Variants in EIF2AK4 observed in about 807,000 individuals in gnomAD.
The protein encoded by EIF2AK4 is eukaryotic translation initiation factor 2 alpha kinase 4.
In EIF2AK4, 139 loss-of-function variants were observed where a neutral mutation model predicts 211.1. That is an observed-to-expected ratio of 0.66 (90% CI 0.57 to 0.76). The LOEUF is 0.76. Among genes scored for constraint, EIF2AK4 ranks in the 30% least tolerant of loss-of-function variants. The pLI is 0.00. For missense variants in EIF2AK4, 1,664 were observed against 2,043.8 expected, an observed-to-expected ratio of 0.81 and a Z score of 3.58; for synonymous variants, 710 against 751.3, an observed-to-expected ratio of 0.94 and a Z score of 0.90.
Position 40,035,188 on chromosome 15 carries a change from G to GT in EIF2AK4, c.*104_*105insT, listed in dbSNP as rs1302796138. On this transcript the variant is annotated 3_prime_UTR_variant, in exon 39 of 39. Transcript: ENST00000263791. Reference sequence around the variant, plus strand: ...AATTTAAAATTAAATTCTAAGAAGAGGCTGGGTGCAGTGGCTCACACCTTT... The same window carrying GT: ...AATTTAAAATTAAATTCTAAGAAGAGTGCTGGGTGCAGTGGCTCACACCTTT... 2 of 977,798 alleles carry GT rather than the reference G, an allele frequency of 2.0e-6. No individual in the cohort carries two copies. The highest frequency in any genetic ancestry group is 2.8e-6 in the Non-Finnish European group (2 of 701,848). 60.6% of individuals were successfully genotyped at this position (977,798 alleles called of 1,614,324 possible). A position where few individuals can be genotyped will look rare whatever the true frequency, so the allele number is the denominator to read the frequency against.
At chr15:39,989,651 C>G (rs1418651329) in intron 15 of EIF2AK4, among the ~76,000 whole-genome samples, 1 of 152,128 alleles carries the variant, frequency 6.6e-6, no homozygotes, top group Non-Finnish European at 1.5e-5. Flanking sequence ...TAGAGGGACC[C>G]AGAATTTACC....
chr15:40,008,916 G>A (rs1014278254), intron 25 of EIF2AK4, among the ~76,000 whole-genome samples: 1 of 152,154 alleles, frequency 6.6e-6, no homozygotes. Flanking sequence ...ACCACTCGGT[G>A]AATACTCATT....
chr15:40,005,578 A>AT lies in EIF2AK4; in HGVS notation c.3358-1427dup, dbSNP rs543293981. ...GTGTCTGCATGTACTTTTTTGTTTT[A>AT]TTTTTTTTTTTGAGATGGAGTCTCA... On this transcript the variant is annotated intron_variant, in intron 23 of 38. Transcript: ENST00000263791. 2.4e-3 allele frequency among the ~76,000 whole-genome samples: 350 copies of AT among 145,532 alleles called. 3 individuals carry two copies. Among genetic ancestry groups the AT allele is most frequent in the Middle Eastern group, 0.021 (6 of 284 alleles).
rs4144472 is a variant in EIF2AK4 at position 39,990,424 on chromosome 15, T to C, written c.2631+47T>C. On this transcript the variant is annotated intron_variant, in intron 16 of 38. Transcript: ENST00000263791. Reference sequence around the variant, plus strand: ...CTGTACCTAAAAACAGACTCAGATGTCTTGATAATCCTGGAAGTGTTAGCG... The same window carrying C: ...CTGTACCTAAAAACAGACTCAGATGCCTTGATAATCCTGGAAGTGTTAGCG... 1,439,288 of 1,451,680 alleles carry C rather than the reference T, an allele frequency of 0.99. 714,215 individuals carry two copies. The highest frequency in any genetic ancestry group is 1 in the East Asian group (44,162 of 44,164). 89.9% of individuals were successfully genotyped at this position (1,451,680 alleles called of 1,614,324 possible).
At chr15:39,974,399 C>A (rs1000292522) in intron 11 of EIF2AK4, 1 of 152,160 alleles carries the variant, frequency 6.6e-6, no homozygotes, top group African/African-American at 2.4e-5. Context: ...CAGTACATGT[C>A]ATCTTTCACA....
chr15:40,013,634 G>A (rs948075169), intron 27 of EIF2AK4, among the ~76,000 whole-genome samples: 2 of 152,282 alleles, frequency 1.3e-5, no homozygotes, highest in African/African-American at 2.4e-5. Context: ...ATCAGATCTC[G>A]TGAGACTTAT....
intron 23 of EIF2AK4, among the ~76,000 whole-genome samples, chr15:40,003,589 G>A (rs879349813): frequency 1.3e-5 from 2 of 152,184 alleles, no homozygotes; most frequent in Non-Finnish European, 2.9e-5. Context: ...CCAGTGTTGA[G>A]TGACCACAGC....
At chr15:39,957,778 A>G (rs1566985420) in intron 6 of EIF2AK4, among the ~76,000 whole-genome samples, 1 of 152,196 alleles carries the variant, frequency 6.6e-6, no homozygotes, top group Admixed American at 6.5e-5. Flanking sequence ...AAAGTGGGAC[A>G]CTGTGTTTCT....
At chr15:40,024,898 T>G (rs1289260104) in intron 32 of EIF2AK4, among the ~76,000 whole-genome samples, 1 of 152,086 alleles carries the variant, frequency 6.6e-6, no homozygotes, top group Non-Finnish European at 1.5e-5. Context: ...GGCTAATTTT[T>G]GTATTTTTAG....
At chr15:39,994,739 G>A (rs758744793) in intron 18 of EIF2AK4, among the ~76,000 whole-genome samples, 1 of 152,172 alleles carries the variant, frequency 6.6e-6, no homozygotes, top group Admixed American at 6.5e-5. Context: ...ACAACATAAA[G>A]TTGAAACAGA....
chr15:39,943,545 T>C (rs537007846), intron 3 of EIF2AK4, 60 bp downstream of exon 3: 123 of 1,333,010 alleles, frequency 9.2e-5, no homozygotes, highest in Non-Finnish European at 1.1e-5. Flanking sequence ...ACACCTCAAA[T>C]CCAATTTTGA....
chr15:40,004,722 A>T (rs1037759721), intron 23 of EIF2AK4, among the ~76,000 whole-genome samples: 3 of 152,104 alleles, frequency 2.0e-5, no homozygotes, highest in East Asian at 1.9e-4. Flanking sequence ...AAGAAAATTT[A>T]AAAATTTTTT....
At chr15:39,938,331 G>A (rs1223348871) in intron 1 of EIF2AK4, among the ~76,000 whole-genome samples, 5 of 152,106 alleles carry the variant, frequency 3.3e-5, no homozygotes, top group Admixed American at 6.5e-5. Flanking sequence ...GACCACATTC[G>A]CAGAATTATG....
At chr15:40,032,876 A>G in intron 37 of EIF2AK4, 75 bp downstream of exon 37, 1 of 1,285,876 alleles carries the variant, frequency 7.8e-7, no homozygotes, top group Admixed American at 2.1e-5. Context: ...CAAAATACTG[A>G]AGACGGCATT....
rs1443552276 is a variant in EIF2AK4, at chr15:40,032,816, C to A, written c.4773+15C>A. The A allele has an allele frequency of 1.2e-6, 2 of 1,605,690 alleles. No individual in the cohort carries two copies. Among genetic ancestry groups the A allele is most frequent in the Non-Finnish European group, 1.7e-6 (2 of 1,176,422 alleles). ...TATCATTAGAGGTAAGCAATATGAACTCTTCTGCACTGTGGCCTTTAAGAT... is the reference window on the plus strand; with the variant it reads ...TATCATTAGAGGTAAGCAATATGAAATCTTCTGCACTGTGGCCTTTAAGAT... On this transcript the variant is annotated intron_variant, in intron 37 of 38. Transcript: ENST00000263791.
At chr15:40,027,638 C>T (rs2035481584) in intron 33 of EIF2AK4, among the ~76,000 whole-genome samples, 1 of 152,064 alleles carries the variant, frequency 6.6e-6, no homozygotes. Flanking sequence ...CGCCTGTAAT[C>T]CCAGCACTTT....
chr15:39,989,702 A>G (rs376877185), intron 15 of EIF2AK4, among the ~76,000 whole-genome samples: 50 of 152,358 alleles, frequency 3.3e-4, no homozygotes, highest in African/African-American at 1.2e-3. Context: ...TCTCTATTAT[A>G]ATGCATGAAA....
chr15:39,969,563 T>C (rs2034595369), intron 9 of EIF2AK4, among the ~76,000 whole-genome samples: 2 of 152,148 alleles, frequency 1.3e-5, no homozygotes, highest in Non-Finnish European at 2.9e-5. Flanking sequence ...GGTTTCACCA[T>C]GTTAGCCAGG....
Position 39,990,319 on chromosome 15 carries a change from C to G in EIF2AK4, c.2573C>G (p.Ser858Cys). 6.2e-7 allele frequency: 1 copy of G among 1,614,144 alleles called. No individual in the cohort carries two copies. The highest frequency in any genetic ancestry group is 1.1e-5 in the South Asian group (1 of 91,082). The change falls in exon 16 of 39, where the codon TCT (serine) becomes TGT (cysteine). Residue 858 changes from serine to cysteine, a missense_variant. Coordinates refer to ENST00000263791, the MANE Select transcript of EIF2AK4 (RefSeq NM_001013703.4). ...AAGCCTGTCAACATTTTTTTGGATT[C>G]TGATGACCATGTGAAAATAGGTGAT... ...DLKPVNIFLD[S>C]DDHVKIGDFG...
Sources: gnomAD v4.1 joint callset for allele counts (sites outside exome capture counted in the v4.1 genomes callset) on GRCh38, gnomAD v4.1.1 for gene constraint, MANE v1.5 for transcripts, NCBI Gene and HGNC (gene_info 2026-07-23, HGNC 2026-07-21) for gene names.